Variants in METTL14 observed in about 807,000 individuals in gnomAD.
METTL14 encodes N(6)-adenosine-methyltransferase non-catalytic subunit METTL14.
In METTL14, 32 loss-of-function variants were observed where a neutral mutation model predicts 62.4. The observed-to-expected ratio is 0.51, with a 90% CI of 0.39 to 0.69. The LOEUF (loss-of-function observed/expected upper bound fraction) is 0.69. METTL14 is among the 30% of genes least tolerant of loss of function. The pLI, the probability that METTL14 is intolerant of heterozygous loss-of-function variation, is 0.00. For missense variants in METTL14, 340 were observed against 551.9 expected (o/e 0.62, Z 3.85); for synonymous variants, 150 against 180.0 (o/e 0.83, Z 1.34).
chr4:118,696,005 G>A (rs1164762412), intron 6 of METTL14, among the ~76,000 whole-genome samples: 4 of 150,740 alleles, frequency 2.7e-5, no homozygotes, highest in Admixed American at 6.6e-5. Flanking sequence ...AGCTATTCGG[G>A]AGGCAGAGGC....
intron 2 of METTL14, among the ~76,000 whole-genome samples, chr4:118,689,043 C>G (rs2110464411): frequency 6.6e-6 from 1 of 152,232 alleles, no homozygotes; most frequent in South Asian, 2.1e-4. Flanking sequence ...GAAAGCATTT[C>G]AAAATTTTTT....
At chr4:118,686,352 A>C (rs1045481533) in intron 1 of METTL14, among the ~76,000 whole-genome samples, 22 of 152,362 alleles carry the variant, frequency 1.4e-4, no homozygotes, top group African/African-American at 5.1e-4. Flanking sequence ...TAGAGTGCAC[A>C]TGCAGAAAAT....
intron 7 of METTL14, among the ~76,000 whole-genome samples, chr4:118,698,604 G>A (rs1180222007): frequency 6.6e-6 from 1 of 152,102 alleles, no homozygotes; most frequent in South Asian, 2.1e-4. Flanking sequence ...TGTTTAGGAG[G>A]TAGATTTAGT....
rs375107150 is a variant in METTL14 at position 118,700,693 on chromosome 4, G to A, written c.738+51G>A. ...ATTTTTAAATTAATAAGAAAAAAAT[G>A]TAACAGTATGTTGCATAGGATGTTT... On this transcript the variant is annotated intron_variant, in intron 8 of 10. Coordinates refer to ENST00000388822, the MANE Select transcript of METTL14 (RefSeq NM_020961.4). 22 of 1,294,454 alleles carry A rather than the reference G, an allele frequency of 1.7e-5. No individual in the cohort carries two copies. In the African/African-American group the frequency reaches 2.4e-4, roughly 14 times the overall value. The allele number at this position is 1,294,454 out of a possible 1,614,324, so 80.2% of individuals were successfully genotyped here.
chr4:118,700,684 G>A lies in METTL14; in HGVS notation c.738+42G>A, dbSNP rs1560881874. On this transcript the variant is annotated intron_variant, in intron 8 of 10. Coordinates refer to ENST00000388822, the MANE Select transcript of METTL14 (RefSeq NM_020961.4). ...ATAAAGTGGATTTTTAAATTAATAA[G>A]AAAAAAATGTAACAGTATGTTGCAT... 1.0e-5 allele frequency: 14 copies of A among 1,398,598 alleles called. No homozygotes were observed. The Admixed American group carries it at 1.2e-4, about 12-fold the overall frequency. 86.6% of individuals were successfully genotyped at this position (1,398,598 alleles called of 1,614,324 possible). A position where few individuals can be genotyped will look rare whatever the true frequency, so the allele number is the denominator to read the frequency against.
At chr4:118,693,700 A>G (rs551334389) in intron 5 of METTL14, among the ~76,000 whole-genome samples, 2 of 152,274 alleles carry the variant, frequency 1.3e-5, no homozygotes, top group African/African-American at 4.8e-5. Context: ...TCCCCAAGGC[A>G]AAGAAAACAT....
chr4:118,691,470 A>G, intron 3 of METTL14, 62 bp from the exon 4 acceptor site: 1 of 810,176 alleles, frequency 1.2e-6, no homozygotes, highest in South Asian at 1.9e-5. Flanking sequence ...AGTTTTAATC[A>G]GGATGTGATA....
chr4:118,709,091 A>G (rs1724845071), intron 10 of METTL14, among the ~76,000 whole-genome samples: 1 of 152,250 alleles, frequency 6.6e-6, no homozygotes, highest in South Asian at 2.1e-4. Flanking sequence ...CATGTAAGAA[A>G]TATATTTGAA....
chr4:118,696,870 G>A (rs895344014), intron 6 of METTL14, among the ~76,000 whole-genome samples: 10 of 152,072 alleles, frequency 6.6e-5, no homozygotes, highest in African/African-American at 2.4e-4. Context: ...TCTGAGTATG[G>A]ATTTTTAATA....
In METTL14 at chr4:118,687,984, A is replaced by C. The variant is rs1724127772; in HGVS notation, c.128A>C (p.Glu43Ala). Residue 43 changes from glutamate to alanine, a missense_variant, in exon 2 of 11, where the codon GAA (glutamate) becomes GCA (alanine). Glu to Ala is a moderately radical substitution (Grantham distance 107). Transcript: ENST00000388822. The stretch of plus-strand genomic sequence containing the variant: ...TTAAATAGCAAAGATGAGCAGAGAG[A>C]AATTGCTGAAACAAGAGAAACTTGC... ...AVLNSKDEQR[E>A]IAETRETCRA... The C allele has an allele frequency of 6.2e-7, 1 of 1,613,710 alleles. No homozygotes were observed. The highest frequency in any genetic ancestry group is 1.7e-4 in the Middle Eastern group (1 of 6,054).
chr4:118,695,146 G>T (rs1724368893), intron 6 of METTL14, among the ~76,000 whole-genome samples: 1 of 152,048 alleles, frequency 6.6e-6, no homozygotes, highest in African/African-American at 2.4e-5. Flanking sequence ...CTTCGTTATA[G>T]CAAAAATGTT....
At chr4:118,691,459 G>T in intron 3 of METTL14, 73 bp from the exon 4 acceptor site, 1 of 741,302 alleles carries the variant, frequency 1.3e-6, no homozygotes, top group South Asian at 2.1e-5. Context: ...AAAATATGTT[G>T]AGTTTTAATC....
chr4:118,690,873 G>A (rs987171333), intron 3 of METTL14, among the ~76,000 whole-genome samples: 12 of 152,198 alleles, frequency 7.9e-5, no homozygotes, highest in African/African-American at 2.9e-4. Flanking sequence ...TTCTGAAAGA[G>A]GCTCAAGAAA....
intron 10 of METTL14, among the ~76,000 whole-genome samples, chr4:118,709,452 G>A (rs1237682764): frequency 6.6e-6 from 1 of 151,550 alleles, no homozygotes; most frequent in Non-Finnish European, 1.5e-5. Flanking sequence ...TGTTACACAT[G>A]TGTTATATGG....
intron 8 of METTL14, among the ~76,000 whole-genome samples, chr4:118,701,184 T>G (rs1332042323): frequency 1.2e-5 from 1 of 80,192 alleles, no homozygotes; most frequent in Non-Finnish European, 3.6e-5. Context: ...TTTTTTTTTG[T>G]TTTTTTTTGT....
chr4:118,698,312 G>C (rs1340798869), intron 7 of METTL14, among the ~76,000 whole-genome samples: 1 of 151,820 alleles, frequency 6.6e-6, no homozygotes, highest in Admixed American at 6.6e-5. Flanking sequence ...AATTAGCCGG[G>C]TGTGGTGGCA....
rs148867623 is a variant in METTL14 at position 118,697,399 on chromosome 4, TAATA to T, written c.645+81_645+84del. The T allele has an allele frequency of 3.7e-4, 463 of 1,255,020 alleles. 2 individuals are homozygous for T. The African/African-American group carries it at 6.5e-3, about 18-fold the overall frequency. The allele number at this position is 1,255,020 out of a possible 1,614,324, so 77.7% of individuals were successfully genotyped here. ...ATGTTTATTTGGTCAGAAAGTGAGA[TAATA>T]AATATCATCCCTACTTTTGTAGGGA... On this transcript the variant is annotated intron_variant, in intron 7 of 10. Coordinates refer to ENST00000388822, the MANE Select transcript of METTL14 (RefSeq NM_020961.4).
chr4:118,710,535 CAA>C lies in METTL14; in HGVS notation c.*234_*235del. On this transcript the variant is annotated 3_prime_UTR_variant, in exon 11 of 11. Transcript: ENST00000388822. ...TGTTATGTGCGTGAACAGAATGGAA[CAA>C]CTCAAGTAGCTTCATCTTCAGAGAC... The C allele has an allele frequency of 2.3e-6, 1 of 428,936 alleles. No homozygotes were observed. Among genetic ancestry groups the C allele is most frequent in the Non-Finnish European group, 4.1e-6 (1 of 242,038 alleles). The allele number at this position is 428,936 out of a possible 1,614,324, so 26.6% of individuals were successfully genotyped here.
chr4:118,708,108 G>A (rs1376805678), intron 10 of METTL14, among the ~76,000 whole-genome samples: 2 of 152,146 alleles, frequency 1.3e-5, no homozygotes, highest in Non-Finnish European at 2.9e-5. Context: ...ACAAGTGTGA[G>A]CCACCACACA....
Sources: gnomAD v4.1 joint callset for allele counts (sites outside exome capture counted in the v4.1 genomes callset) on GRCh38, gnomAD v4.1.1 for gene constraint, MANE v1.5 for transcripts, NCBI Gene and HGNC (gene_info 2026-07-23, HGNC 2026-07-21) for gene names.